The following PKD1L3 variants were observed in gnomAD, a reference collection of about 807,000 sequenced individuals.
PKD1L3 encodes polycystin 1 like 3, transient receptor potential channel interacting.
In PKD1L3, 239 loss-of-function variants were observed where a neutral mutation model predicts 184.1. The ratio of observed to expected loss-of-function variants is 1.30; its 90% CI spans 1.17 to 1.45. The LOEUF is 1.45. PKD1L3 is among the 40% of genes most tolerant of loss of function. The pLI, the probability that PKD1L3 is intolerant of heterozygous loss-of-function variation, is 0.00. For missense variants in PKD1L3, 2,660 were observed against 2,067.2 expected (o/e 1.29, Z -5.56); for synonymous variants, 996 against 778.8 (o/e 1.28, Z -4.64).
intron 4 of PKD1L3, among the ~76,000 whole-genome samples, chr16:71,987,222 T>C (rs1205808184): frequency 1.4e-5 from 2 of 146,508 alleles, no homozygotes; most frequent in Non-Finnish European, 3.0e-5. Flanking sequence ...TGCACCCGGC[T>C]GAGGAGAGGA....
At chr16:71,944,204 T>C (rs745753769) in intron 22 of PKD1L3, 34 bp from the exon 23 acceptor site, 20 of 1,513,302 alleles carry the variant, frequency 1.3e-5, no homozygotes, top group Non-Finnish European at 1.7e-5. Flanking sequence ...CAAAGAAATG[T>C]TATATTTCAT....
At chr16:71,961,959 G>C (rs1157067817) in intron 16 of PKD1L3, among the ~76,000 whole-genome samples, 1 of 152,140 alleles carries the variant, frequency 6.6e-6, no homozygotes, top group Non-Finnish European at 1.5e-5. Flanking sequence ...TTGGTTGATA[G>C]AGCCACTGAG....
chr16:71,969,956 C>T lies in PKD1L3; in HGVS notation c.2103G>A (p.Val701=). 1 of 1,551,882 alleles carries T rather than the reference C, an allele frequency of 6.4e-7. No individual in the cohort carries two copies. Among genetic ancestry groups the T allele is most frequent in the East Asian group, 2.4e-5 (1 of 40,912 alleles). ...ATCCTAAAAGGCTGGCCAGCAGTGA[C>T]ACCCCAACAGGATTGTTGGTCACGC... ...FLRVTNNPVG[V]SLLASLLGFY... The change falls in exon 13 of 30, where the codon GTG becomes GTA. Residue 701 remains valine (V), a synonymous_variant. Coordinates refer to ENST00000620267, the MANE Select transcript of PKD1L3 (RefSeq NM_181536.2).
chr16:71,979,901 G>A lies in PKD1L3; in HGVS notation c.1283C>T (p.Ser428Leu), dbSNP rs1352037898. The A allele has an allele frequency of 2.6e-6, 4 of 1,550,172 alleles. No homozygotes were observed. The highest frequency in any genetic ancestry group is 3.5e-6 in the Non-Finnish European group (4 of 1,146,758). The change falls in exon 9 of 30, where the codon TCA becomes TTA. Residue 428 changes from serine (S) to leucine (L), a missense_variant. Coordinates refer to ENST00000620267, the MANE Select transcript of PKD1L3 (RefSeq NM_181536.2). ...AGTGTAAGAGCTCAGCGGTAAAGTT[G>A]ATATGTTTTGTCTAATGAGAAAAGT... ...ATLLLSRQNI[S>L]TLPLSSYTLG...
Position 71,929,582 on chromosome 16 carries a change from T to TC in PKD1L3, c.5154dup (p.Thr1719AspfsTer6). ...ACTTCAGTGTCACTGCCCACTGCTG[T>TC]CGTGGCTGCTTGCTCAGATGAGGTT... On this transcript the variant is annotated frameshift_variant, in exon 30 of 30. Coordinates refer to ENST00000620267, the MANE Select transcript of PKD1L3 (RefSeq NM_181536.2). LOFTEE classifies it low-confidence loss of function (END_TRUNC). 6.4e-7 allele frequency: 1 copy of TC among 1,551,810 alleles called. No homozygotes were observed. The highest frequency in any genetic ancestry group is 8.7e-7 in the Non-Finnish European group (1 of 1,147,016).
Position 71,981,850 on chromosome 16 carries a change from T to C in PKD1L3, c.1143+209A>G, listed in dbSNP as rs1290498048. Among the ~76,000 whole-genome samples, 13 of 151,168 alleles carry C rather than the reference T, an allele frequency of 8.6e-5. 1 individual carries two copies. Among genetic ancestry groups the C allele is most frequent in the Admixed American group, 8.5e-4 (13 of 15,242 alleles). On this transcript the variant is annotated intron_variant, in intron 7 of 29. Transcript: ENST00000620267. Reference sequence around the variant, plus strand: ...GCCACCGGGTCCAGCCCCTAAGTCCTTTTCACTTGATTACAGCACTAGGGA... The same window carrying C: ...GCCACCGGGTCCAGCCCCTAAGTCCCTTTCACTTGATTACAGCACTAGGGA...
chr16:71,984,765 A>T (rs2040294362), intron 5 of PKD1L3, among the ~76,000 whole-genome samples: 1 of 152,182 alleles, frequency 6.6e-6, no homozygotes, highest in Non-Finnish European at 1.5e-5. Context: ...AGGCTGAGGC[A>T]GGAGAATCTC....
intron 25 of PKD1L3, 28 bp from the exon 26 acceptor site, chr16:71,935,546 G>C (rs1464218543): frequency 1.3e-6 from 2 of 1,545,800 alleles, no homozygotes; most frequent in Non-Finnish European, 1.7e-6. Context: ...AGTCACTGTT[G>C]CTTGTCTGAG....
intron 22 of PKD1L3, among the ~76,000 whole-genome samples, chr16:71,945,404 T>A (rs62053801): frequency 2.1e-3 from 56 of 26,068 alleles, no homozygotes; most frequent in African/African-American, 5.2e-3. Context: ...ATATATTTAT[T>A]TATTTATTTA....
intron 28 of PKD1L3, 46 bp downstream of exon 28, chr16:71,933,374 T>C: frequency 1.4e-6 from 2 of 1,409,786 alleles, no homozygotes; most frequent in Non-Finnish European, 2.0e-6. Flanking sequence ...CAATTTTCCT[T>C]GTTCAATATA....
Position 71,974,960 on chromosome 16 carries a change from G to A in PKD1L3, c.1760-1443C>T, listed in dbSNP as rs968243666. 5.3e-5 allele frequency among the ~76,000 whole-genome samples: 8 copies of A among 152,278 alleles called. No homozygotes were observed. In the East Asian group the frequency reaches 5.8e-4, roughly 11 times the overall value. Reference sequence around the variant, plus strand: ...CCAACGTAAAAATAAATACAGAAGTGTAGCTCTTATTAAGACTTTTCAGTA... The same window carrying A: ...CCAACGTAAAAATAAATACAGAAGTATAGCTCTTATTAAGACTTTTCAGTA... On this transcript the variant is annotated intron_variant, in intron 11 of 29. Coordinates refer to ENST00000620267, the MANE Select transcript of PKD1L3 (RefSeq NM_181536.2).
intron 16 of PKD1L3, among the ~76,000 whole-genome samples, chr16:71,960,768 T>A (rs562320822): frequency 3.9e-5 from 6 of 152,242 alleles, no homozygotes; most frequent in African/African-American, 1.4e-4. Context: ...GTTTTAAAAA[T>A]ACTAGAACTT....
At chr16:71,982,477 G>T (rs538953592) in intron 6 of PKD1L3, among the ~76,000 whole-genome samples, 1 of 152,110 alleles carries the variant, frequency 6.6e-6, no homozygotes, top group South Asian at 2.1e-4. Flanking sequence ...CAGAGATGGA[G>T]TTTCTCCATG....
chr16:71,932,376 G>T (rs1365595402), intron 28 of PKD1L3, among the ~76,000 whole-genome samples: 2 of 152,202 alleles, frequency 1.3e-5, no homozygotes, highest in Non-Finnish European at 2.9e-5. Context: ...TAGTTCCTGG[G>T]AGGAAATAAT....
intron 15 of PKD1L3, among the ~76,000 whole-genome samples, chr16:71,965,555 ATTTTTTTT>A (rs34451176): frequency 7.3e-6 from 1 of 136,914 alleles, no homozygotes; most frequent in African/African-American, 2.7e-5. Context: ...TTTTGTGAGA[ATTTTTTTT>A]TTTTTTTTTT....
chr16:71,936,351 C>T (rs547275761), intron 25 of PKD1L3, among the ~76,000 whole-genome samples: 1 of 147,122 alleles, frequency 6.8e-6, no homozygotes, highest in Non-Finnish European at 1.5e-5. Context: ...TATAGGAGCC[C>T]GCCACCATGC....
At position 71,954,287 on chromosome 16, in the gene PKD1L3, G is replaced by A; in HGVS notation, c.2627C>T (p.Ser876Phe). Reference protein sequence around the residue: ...ELFSFRHLFSSMIVEKFTQDY... With the variant: ...ELFSFRHLFSFMIVEKFTQDY... ...CTGGGTGAACTTTTCCACAATCATGGAGGAAAACAGATGTCTGAAAAGAGA... is the reference window on the plus strand; with the variant it reads ...CTGGGTGAACTTTTCCACAATCATGAAGGAAAACAGATGTCTGAAAAGAGA... Residue 876 changes from serine (S) to phenylalanine (F), a missense_variant, in exon 17 of 30, where the codon TCC (serine) becomes TTC (phenylalanine). Ser to Phe is a radical substitution (Grantham distance 155, BLOSUM62 -2). Coordinates refer to ENST00000620267, the MANE Select transcript of PKD1L3 (RefSeq NM_181536.2). 2 of 1,537,474 alleles carry A rather than the reference G, an allele frequency of 1.3e-6. No individual in the cohort carries two copies. Among genetic ancestry groups the A allele is most frequent in the African/African-American group, 1.4e-5 (1 of 72,564 alleles).
Position 71,954,166 on chromosome 16 carries a change from G to T in PKD1L3, c.2748C>A (p.Asn916Lys). ...TCCAGAACATAACATTGATGACCAT[G>T]TTGCAGAGTAGCAGTGTCATGCAGC... The part of the protein sequence containing the change: ...LSCCMTLLLC[N>K]MVINVMFWKI... The change falls in exon 17 of 30, where the codon AAC becomes AAA. Residue 916 changes from asparagine to lysine, a missense_variant. Coordinates refer to ENST00000620267, the MANE Select transcript of PKD1L3 (RefSeq NM_181536.2). 1 of 1,551,352 alleles carries T rather than the reference G, an allele frequency of 6.4e-7. No homozygotes were observed. The highest frequency in any genetic ancestry group is 8.7e-7 in the Non-Finnish European group (1 of 1,146,794).
intron 9 of PKD1L3, among the ~76,000 whole-genome samples, chr16:71,979,037 G>A (rs2040045875): frequency 6.6e-6 from 1 of 152,116 alleles, no homozygotes; most frequent in African/African-American, 2.4e-5. Context: ...TTCAGGATAA[G>A]GCAACAATGC....
Sources: gnomAD v4.1 joint callset for allele counts (sites outside exome capture counted in the v4.1 genomes callset) on GRCh38, gnomAD v4.1.1 for gene constraint, MANE v1.5 for transcripts, NCBI Gene and HGNC (gene_info 2026-07-23, HGNC 2026-07-21) for gene names.